RAP1GDS1: variants seen among roughly 807,000 people sequenced by gnomAD.
RAP1GDS1 encodes RAP1, GTP-GDP dissociation stimulator 1.
In RAP1GDS1, 35 loss-of-function variants were observed where a neutral mutation model predicts 71.1. That is an observed-to-expected ratio of 0.49 (90% CI 0.38 to 0.65). RAP1GDS1 has a LOEUF of 0.65. Among genes scored for constraint, RAP1GDS1 ranks in the 30% least tolerant of loss-of-function variants. RAP1GDS1 has a pLI of 0.00. For missense variants in RAP1GDS1, 663 were observed against 706.1 expected (o/e 0.94, Z 0.69); for synonymous variants, 229 against 243.1 (o/e 0.94, Z 0.54).
chr4:98,405,869 T>C (rs1180487161), intron 7 of RAP1GDS1, among the ~76,000 whole-genome samples: 1 of 151,976 alleles, frequency 6.6e-6, no homozygotes, highest in East Asian at 1.9e-4. Flanking sequence ...AAACATTGAA[T>C]ATATCAAAAA....
intron 1 of RAP1GDS1, among the ~76,000 whole-genome samples, chr4:98,273,782 TG>T (rs563221092): frequency 3.3e-5 from 5 of 152,140 alleles, no homozygotes; most frequent in Non-Finnish European, 5.9e-5. Context: ...TGTTTTGTTT[TG>T]TTTTTTTTCC....
At chr4:98,289,788 T>C (rs994328062) in intron 1 of RAP1GDS1, among the ~76,000 whole-genome samples, 1 of 152,150 alleles carries the variant, frequency 6.6e-6, no homozygotes, top group African/African-American at 2.4e-5. Flanking sequence ...TTCCAGCTGC[T>C]AAGCCAGGTG....
chr4:98,418,788 C>A lies in RAP1GDS1; in HGVS notation c.1171C>A (p.Pro391Thr). The A allele has an allele frequency of 1.3e-6, 2 of 1,584,200 alleles. No homozygotes were observed. The highest frequency in any genetic ancestry group is 1.7e-6 in the Non-Finnish European group (2 of 1,168,520). Reference protein sequence around the residue: ...ALSALRNLAIPVINKAKMLSA... With the variant: ...ALSALRNLAITVINKAKMLSA... ...AAGTGCCCTCAGAAACCTGGCCATTCCAGGTAAGACTTAAGAATAGAAGGC... is the reference window on the plus strand; with the variant it reads ...AAGTGCCCTCAGAAACCTGGCCATTACAGGTAAGACTTAAGAATAGAAGGC... Residue 391 changes from proline (P) to threonine (T), a missense_variant, in exon 10 of 15, where the codon CCA (proline) becomes ACA (threonine). By Grantham distance (38) the Pro-to-Thr change is conservative. Transcript: ENST00000408927.
At chr4:98,441,648 T>G (rs972791126) in intron 14 of RAP1GDS1, 1 of 969,124 alleles carries the variant, frequency 1.0e-6, no homozygotes, top group Non-Finnish European at 1.2e-6. Context: ...ATGACTGTCA[T>G]CCCAGCTACT....
intron 2 of RAP1GDS1, among the ~76,000 whole-genome samples, chr4:98,333,731 G>A (rs1390670287): frequency 2.0e-5 from 3 of 151,978 alleles, no homozygotes; most frequent in Admixed American, 6.6e-5. Context: ...GGTAAAACTA[G>A]TCATCATTTC....
chr4:98,360,659 T>G (rs1738606743), intron 4 of RAP1GDS1, among the ~76,000 whole-genome samples: 1 of 152,198 alleles, frequency 6.6e-6, no homozygotes. Context: ...TTTTCTTATT[T>G]GTAACCAAGT....
intron 4 of RAP1GDS1, among the ~76,000 whole-genome samples, chr4:98,368,178 T>C (rs1452350575): frequency 6.6e-6 from 1 of 152,152 alleles, no homozygotes; most frequent in Non-Finnish European, 1.5e-5. Context: ...GGGGGAGTTT[T>C]CCTGCACAAG....
chr4:98,343,719 C>T (rs1179216438), intron 3 of RAP1GDS1, among the ~76,000 whole-genome samples: 2 of 152,170 alleles, frequency 1.3e-5, no homozygotes, highest in Non-Finnish European at 1.5e-5. Context: ...TTTCTACACT[C>T]ACCATATATT....
At chr4:98,367,026 A>T (rs1739598684) in intron 4 of RAP1GDS1, among the ~76,000 whole-genome samples, 1 of 152,156 alleles carries the variant, frequency 6.6e-6, no homozygotes, top group Non-Finnish European at 1.5e-5. Flanking sequence ...AGTGGGGAAA[A>T]CGTCTCCAGA....
intron 2 of RAP1GDS1, among the ~76,000 whole-genome samples, chr4:98,334,215 T>C (rs1734385078): frequency 6.6e-6 from 1 of 152,082 alleles, no homozygotes; most frequent in Non-Finnish European, 1.5e-5. Context: ...ACATACAACA[T>C]AAAATATGTG....
chr4:98,404,809 T>A (rs1366261073), intron 7 of RAP1GDS1, among the ~76,000 whole-genome samples: 1 of 152,172 alleles, frequency 6.6e-6, no homozygotes, highest in East Asian at 1.9e-4. Flanking sequence ...CCTTTGATTT[T>A]AAAATCTTAG....
intron 7 of RAP1GDS1, among the ~76,000 whole-genome samples, chr4:98,408,085 A>G (rs927707601): frequency 2.0e-5 from 3 of 148,606 alleles, no homozygotes; most frequent in Non-Finnish European, 4.4e-5. Context: ...TGATGCCCAT[A>G]TATTTTATAT....
intron 13 of RAP1GDS1, among the ~76,000 whole-genome samples, chr4:98,435,837 C>T (rs1398772196): frequency 6.7e-5 from 10 of 149,848 alleles, no homozygotes; most frequent in Admixed American, 4.0e-4. Context: ...TTTGGGAGGC[C>T]GAGGCGGGTG....
intron 1 of RAP1GDS1, among the ~76,000 whole-genome samples, chr4:98,262,724 C>T (rs144370685): frequency 3.3e-5 from 5 of 152,320 alleles, no homozygotes; most frequent in Non-Finnish European, 7.3e-5. Context: ...GTCCTTTCAT[C>T]TGTTAATACA....
intron 4 of RAP1GDS1, among the ~76,000 whole-genome samples, chr4:98,370,477 C>T (rs1740199700): frequency 6.6e-6 from 1 of 151,758 alleles, no homozygotes; most frequent in African/African-American, 2.4e-5. Context: ...TATAAACCTC[C>T]TTTCTCCTTT....
chr4:98,397,086 A>T (rs1160637663), intron 6 of RAP1GDS1, among the ~76,000 whole-genome samples: 3 of 152,180 alleles, frequency 2.0e-5, no homozygotes, highest in Admixed American at 2.0e-4. Flanking sequence ...CAATAATGAA[A>T]AAAAGATTGT....
intron 4 of RAP1GDS1, 125 bp downstream of exon 4, chr4:98,352,726 C>A: frequency 1.1e-6 from 1 of 896,264 alleles, no homozygotes; most frequent in Non-Finnish European, 1.6e-6. Flanking sequence ...CATGATTCAG[C>A]ACTGCTTATT....
At chr4:98,300,061 G>A (rs1035219650) in intron 2 of RAP1GDS1, among the ~76,000 whole-genome samples, 2 of 152,154 alleles carry the variant, frequency 1.3e-5, no homozygotes, top group African/African-American at 4.8e-5. Context: ...AGGTTTTAAA[G>A]AAGTTCTATA....
At chr4:98,376,165 G>A (rs1006565445) in intron 4 of RAP1GDS1, among the ~76,000 whole-genome samples, 7 of 152,078 alleles carry the variant, frequency 4.6e-5, no homozygotes, top group African/African-American at 1.7e-4. Flanking sequence ...AGAGTGGGCT[G>A]CACTTTTTCC....
Sources: gnomAD v4.1 joint callset for allele counts (sites outside exome capture counted in the v4.1 genomes callset) on GRCh38, gnomAD v4.1.1 for gene constraint, MANE v1.5 for transcripts, NCBI Gene and HGNC (gene_info 2026-07-23, HGNC 2026-07-21) for gene names.